Variants in PDCL2 observed in about 807,000 individuals in gnomAD.
PDCL2 encodes the protein phosducin-like protein 2.
PDCL2 carries 23 observed loss-of-function variants against 30.3 expected under a neutral mutation model. That is an observed-to-expected ratio of 0.76 (90% CI 0.55 to 1.08). The LOEUF is 1.08. PDCL2 is among the 50% of genes least tolerant of loss of function. PDCL2 has a pLI of 0.00. For synonymous variants in PDCL2, 68 were observed against 86.2 expected, an observed-to-expected ratio of 0.79 and a Z score of 1.17; for missense variants, 243 against 282.3, an observed-to-expected ratio of 0.86 and a Z score of 1.00.
chr4:55,566,434 T>TTC, intron 4 of PDCL2, among the ~76,000 whole-genome samples: 2 of 149,592 alleles, frequency 1.3e-5, no homozygotes, highest in Admixed American at 1.3e-4. Flanking sequence ...TTTCTCTTTT[T>TTC]TTTTTTTTTT....
At chr4:55,587,216 T>TAAAAA (rs869107656) in intron 1 of PDCL2, among the ~76,000 whole-genome samples, 16 of 62,836 alleles carry the variant, frequency 2.5e-4, no homozygotes, top group African/African-American at 1.1e-3. Flanking sequence ...GACAGAATAG[T>TAAAAA]AAAAAAAAAA....
At chr4:55,585,214 A>T (rs1384508797) in intron 1 of PDCL2, among the ~76,000 whole-genome samples, 7 of 152,174 alleles carry the variant, frequency 4.6e-5, no homozygotes, top group Middle Eastern at 6.8e-3. Context: ...CTTTGATGTC[A>T]AGGTAATGCT....
chr4:55,581,239 G>A (rs1732701855), intron 2 of PDCL2, among the ~76,000 whole-genome samples: 1 of 152,026 alleles, frequency 6.6e-6, no homozygotes, highest in Non-Finnish European at 1.5e-5. Flanking sequence ...AGTTTGCAGT[G>A]AGCTGAGATC....
At chr4:55,557,864 G>A (rs113777531) in intron 5 of PDCL2, among the ~76,000 whole-genome samples, 19 of 150,724 alleles carry the variant, frequency 1.3e-4, no homozygotes, top group Admixed American at 1.1e-3. Flanking sequence ...GCAGCACTTC[G>A]AAAGGCTGAG....
At chr4:55,591,239 A>G (rs1732990416) in intron 1 of PDCL2, among the ~76,000 whole-genome samples, 1 of 151,950 alleles carries the variant, frequency 6.6e-6, no homozygotes, top group Non-Finnish European at 1.5e-5. Context: ...AATCTGCAGG[A>G]GCAGGTGGGG....
At chr4:55,571,858 T>C (rs1732435246) in intron 3 of PDCL2, among the ~76,000 whole-genome samples, 1 of 151,452 alleles carries the variant, frequency 6.6e-6, no homozygotes, top group Non-Finnish European at 1.5e-5. Context: ...TCCTTCAATT[T>C]TTCCTCCACT....
rs761704636 is a variant in PDCL2 at position 55,562,588 on chromosome 4, G to T, written c.387C>A (p.Asn129Lys). 6.3e-7 allele frequency: 1 copy of T among 1,594,712 alleles called. No homozygotes were observed. Among genetic ancestry groups the T allele is most frequent in the Non-Finnish European group, 8.5e-7 (1 of 1,171,980 alleles). The change falls in exon 5 of 6, where the codon AAC becomes AAA. Residue 129 changes from asparagine (N) to lysine (K), a missense_variant. By Grantham distance (94) the Asn-to-Lys change is moderately conservative (BLOSUM62 0). Coordinates refer to ENST00000295645, the MANE Select transcript of PDCL2 (RefSeq NM_152401.3). The stretch of plus-strand genomic sequence containing the variant: ...TTCTTGCTAGAAGACTAAGATGCTG[G>T]TTAACCAACAAACACATTGGGATGC... Reference protein sequence around the residue: ...RSSIPMCLLVNQHLSLLARKF... With the variant: ...RSSIPMCLLVKQHLSLLARKF...
chr4:55,572,486 C>T (rs1474841113), intron 3 of PDCL2, among the ~76,000 whole-genome samples: 1 of 152,178 alleles, frequency 6.6e-6, no homozygotes, highest in Admixed American at 6.5e-5. Context: ...ACTTTTGTCT[C>T]TAGAAACCTA....
chr4:55,569,332 C>T (rs1316955439), intron 4 of PDCL2, among the ~76,000 whole-genome samples: 1 of 152,076 alleles, frequency 6.6e-6, no homozygotes, highest in Non-Finnish European at 1.5e-5. Context: ...TGCAAATATA[C>T]ACACACACAG....
chr4:55,591,844 G>A (rs541458737), intron 1 of PDCL2, among the ~76,000 whole-genome samples: 1 of 152,266 alleles, frequency 6.6e-6, no homozygotes, highest in Non-Finnish European at 1.5e-5. Flanking sequence ...TATGATTTTG[G>A]TGTGAAACAC....
intron 4 of PDCL2, among the ~76,000 whole-genome samples, chr4:55,563,400 G>C (rs1577905445): frequency 6.6e-6 from 1 of 152,164 alleles, no homozygotes; most frequent in African/African-American, 2.4e-5. Flanking sequence ...TTCAATTTGA[G>C]CCGGGTGCAG....
At chr4:55,556,815 GATGAT>G in intron 5 of PDCL2, 104 bp from the exon 6 acceptor site, 1 of 940,164 alleles carries the variant, frequency 1.1e-6, no homozygotes, top group Non-Finnish European at 1.5e-6. Flanking sequence ...CCATGGAAAT[GATGAT>G]ATATTTATTT....
intron 4 of PDCL2, among the ~76,000 whole-genome samples, chr4:55,567,559 A>G (rs1171022486): frequency 6.6e-6 from 1 of 152,100 alleles, no homozygotes; most frequent in Non-Finnish European, 1.5e-5. Context: ...GAGAATCACA[A>G]CCTACTCCCT....
At chr4:55,579,564 G>A (rs534926394) in intron 3 of PDCL2, among the ~76,000 whole-genome samples, 9 of 152,244 alleles carry the variant, frequency 5.9e-5, no homozygotes, top group African/African-American at 1.2e-4. Flanking sequence ...TGATCCACCC[G>A]CCTTGGCCTT....
chr4:55,581,202 G>A (rs2110165458), intron 2 of PDCL2, among the ~76,000 whole-genome samples: 1 of 152,204 alleles, frequency 6.6e-6, no homozygotes, highest in Admixed American at 6.5e-5. Context: ...GGCTGAGGCA[G>A]GAGAATCACT....
Position 55,592,118 on chromosome 4 carries a change from G to T in PDCL2, c.-9C>A. On this transcript the variant is annotated 5_prime_UTR_variant, in exon 1 of 6. Coordinates refer to ENST00000295645, the MANE Select transcript of PDCL2 (RefSeq NM_152401.3). The stretch of plus-strand genomic sequence containing the variant: ...CCGACCCTCACCTGCATGATGCGCT[G>T]CTCTGCCCCTCAAGAGCCCGCGTCG... 1 of 1,609,546 alleles carries T rather than the reference G, an allele frequency of 6.2e-7. No individual in the cohort carries two copies. Among genetic ancestry groups the T allele is most frequent in the Non-Finnish European group, 8.5e-7 (1 of 1,178,530 alleles).
intron 2 of PDCL2, among the ~76,000 whole-genome samples, chr4:55,581,349 A>C (rs1732708517): frequency 6.6e-6 from 1 of 152,028 alleles, no homozygotes; most frequent in Admixed American, 6.6e-5. Flanking sequence ...GCCAGCCACC[A>C]AAAAAAGCTA....
intron 5 of PDCL2, among the ~76,000 whole-genome samples, chr4:55,559,557 A>G (rs1552522): frequency 0.033 from 4,971 of 152,314 alleles, 282 homozygotes; most frequent in African/African-American, 0.11. Flanking sequence ...TTCTATTTCT[A>G]TAGATATACT....
chr4:55,587,863 T>G (rs1732902935), intron 1 of PDCL2, among the ~76,000 whole-genome samples: 2 of 152,012 alleles, frequency 1.3e-5, no homozygotes, highest in South Asian at 4.1e-4. Flanking sequence ...AACACTTGTC[T>G]TTTCATTCTC....
Sources: gnomAD v4.1 joint callset for allele counts (sites outside exome capture counted in the v4.1 genomes callset) on GRCh38, gnomAD v4.1.1 for gene constraint, MANE v1.5 for transcripts, NCBI Gene and HGNC (gene_info 2026-07-23, HGNC 2026-07-21) for gene names.